Variants in ENOX1 observed in about 807,000 individuals in gnomAD.
The protein encoded by ENOX1 is candidate growth-related and time keeping constitutive hydroquinone (NADH) oxidase.
A neutral mutation model predicts 82.5 loss-of-function variants in ENOX1; 42 were observed. That is an observed-to-expected ratio of 0.51 (90% CI 0.40 to 0.66). The LOEUF (loss-of-function observed/expected upper bound fraction) is 0.66, where lower values mean the gene tolerates loss of function less well. Ranked by LOEUF, ENOX1 falls within the 30% of genes least tolerant of loss-of-function variation. The pLI, the probability that ENOX1 is intolerant of heterozygous loss-of-function variation, is 0.00. For synonymous variants in ENOX1, 271 were observed against 282.2 expected (o/e 0.96, Z 0.40); for missense variants, 608 against 811.6 (o/e 0.75, Z 3.05).
rs201204547 is a variant in ENOX1, at chr13:43,713,150, T to C, written c.-284-45606A>G. Among the ~76,000 whole-genome samples, 157 of 152,324 alleles carry C rather than the reference T, an allele frequency of 1.0e-3. 2 individuals carry two copies. The East Asian group carries it at 0.027, about 26-fold the overall frequency. On this transcript the variant is annotated intron_variant, in intron 1 of 16. Transcript: ENST00000690772. ...GTTGTTGAATTTTGTCAAAGGCCTTTTCTGCATCTATTGAGATAATTATGT... is the reference window on the plus strand; with the variant it reads ...GTTGTTGAATTTTGTCAAAGGCCTTCTCTGCATCTATTGAGATAATTATGT...
At chr13:43,399,569 C>G (rs1459862162) in intron 5 of ENOX1, among the ~76,000 whole-genome samples, 1 of 152,228 alleles carries the variant, frequency 6.6e-6, no homozygotes, top group East Asian at 1.9e-4. Flanking sequence ...CACAAACTAA[C>G]ACATTTGATC....
chr13:43,349,541 T>C (rs1042878214), intron 8 of ENOX1, among the ~76,000 whole-genome samples: 3 of 123,730 alleles, frequency 2.4e-5, no homozygotes, highest in East Asian at 4.6e-4. Flanking sequence ...ACTTGGCACA[T>C]AGTAGGCATT....
chr13:43,681,136 T>C (rs925579792), intron 1 of ENOX1, among the ~76,000 whole-genome samples: 3 of 152,192 alleles, frequency 2.0e-5, no homozygotes, highest in African/African-American at 7.2e-5. Context: ...TCCTCAAGCA[T>C]TGAGCTACCA....
chr13:43,750,055 T>TAAA (rs1216275449), intron 1 of ENOX1, among the ~76,000 whole-genome samples: 2 of 152,204 alleles, frequency 1.3e-5, no homozygotes, highest in Admixed American at 6.5e-5. Context: ...AAAAGGTTAT[T>TAAA]AAATCACCAG....
chr13:43,299,475 T>C (rs1233394917), intron 11 of ENOX1, among the ~76,000 whole-genome samples: 1 of 152,142 alleles, frequency 6.6e-6, no homozygotes, highest in Non-Finnish European at 1.5e-5. Flanking sequence ...GTGATGCCGG[T>C]GCTGGTCTTA....
At chr13:43,718,796 A>G (rs531392462) in intron 1 of ENOX1, among the ~76,000 whole-genome samples, 65 of 151,734 alleles carry the variant, frequency 4.3e-4, no homozygotes, top group African/African-American at 1.5e-3. Context: ...TTTGTTATAT[A>G]TTCCCCCTTG....
intron 3 of ENOX1, among the ~76,000 whole-genome samples, chr13:43,450,300 C>T (rs2056891453): frequency 6.6e-6 from 1 of 152,196 alleles, no homozygotes; most frequent in South Asian, 2.1e-4. Context: ...AAGTGGGGGG[C>T]AGCAGATGGC....
intron 2 of ENOX1, among the ~76,000 whole-genome samples, chr13:43,557,844 T>C (rs1044044775): frequency 1.3e-5 from 2 of 151,966 alleles, no homozygotes; most frequent in Non-Finnish European, 2.9e-5. Flanking sequence ...TGGTTGTAAG[T>C]ACAAAAAAAA....
At chr13:43,284,244 A>G (rs1280169058) in intron 12 of ENOX1, among the ~76,000 whole-genome samples, 1 of 152,052 alleles carries the variant, frequency 6.6e-6, no homozygotes, top group Non-Finnish European at 1.5e-5. Flanking sequence ...GGCACTGAAG[A>G]TAAGAAATAC....
At chr13:43,707,625 C>T (rs1453495200) in intron 1 of ENOX1, among the ~76,000 whole-genome samples, 5 of 147,416 alleles carry the variant, frequency 3.4e-5, no homozygotes, top group Admixed American at 1.4e-4. Context: ...CCCAGCTACT[C>T]GGGAGGCTGA....
intron 8 of ENOX1, among the ~76,000 whole-genome samples, chr13:43,348,175 C>T (rs966381861): frequency 1.3e-5 from 2 of 152,210 alleles, no homozygotes; most frequent in African/African-American, 4.8e-5. Context: ...AGCGTAAGTG[C>T]CCTTTAATAA....
intron 9 of ENOX1, among the ~76,000 whole-genome samples, chr13:43,335,698 G>C (rs1289176532): frequency 7.1e-6 from 1 of 141,652 alleles, no homozygotes; most frequent in Non-Finnish European, 1.5e-5. Flanking sequence ...TATTATTAAA[G>C]ATTTTTTTAA....
chr13:43,537,471 A>C (rs2078512703), intron 2 of ENOX1, among the ~76,000 whole-genome samples: 1 of 152,206 alleles, frequency 6.6e-6, no homozygotes, highest in Non-Finnish European at 1.5e-5. Context: ...AAGCCAAAGA[A>C]ATGCTGTTTT....
At chr13:43,539,074 C>T (rs1024601324) in intron 2 of ENOX1, among the ~76,000 whole-genome samples, 1 of 152,176 alleles carries the variant, frequency 6.6e-6, no homozygotes, top group Non-Finnish European at 1.5e-5. Context: ...CTTCCTGCCT[C>T]GGCCTCCATA....
chr13:43,444,506 C>T (rs973689886), intron 3 of ENOX1, among the ~76,000 whole-genome samples: 1 of 152,106 alleles, frequency 6.6e-6, no homozygotes, highest in Non-Finnish European at 1.5e-5. Flanking sequence ...TAGGAAAAGG[C>T]CAGGGGTGAC....
chr13:43,742,892 G>C (rs1011348272), intron 1 of ENOX1, among the ~76,000 whole-genome samples: 1 of 90,530 alleles, frequency 1.1e-5, no homozygotes, highest in African/African-American at 3.0e-5. Context: ...GGACATGATC[G>C]CTCAAACTAC....
At chr13:43,319,546 T>C (rs2153524397) in intron 11 of ENOX1, among the ~76,000 whole-genome samples, 1 of 152,294 alleles carries the variant, frequency 6.6e-6, no homozygotes, top group Non-Finnish European at 1.5e-5. Context: ...AAGTCAATTA[T>C]TTCCATCTCT....
intron 12 of ENOX1, among the ~76,000 whole-genome samples, chr13:43,293,296 G>T (rs945539281): frequency 2.0e-5 from 3 of 150,818 alleles, no homozygotes; most frequent in Admixed American, 6.6e-5. Context: ...AGCTAATAAG[G>T]CCACCACAGC....
intron 3 of ENOX1, among the ~76,000 whole-genome samples, chr13:43,453,595 C>T (rs1295575919): frequency 1.3e-5 from 2 of 152,116 alleles, no homozygotes; most frequent in Non-Finnish European, 1.5e-5. Flanking sequence ...TTCCTGTCCT[C>T]TGGTGTTAAA....
Sources: gnomAD v4.1 joint callset for allele counts (sites outside exome capture counted in the v4.1 genomes callset) on GRCh38, gnomAD v4.1.1 for gene constraint, MANE v1.5 for transcripts, NCBI Gene and HGNC (gene_info 2026-07-23, HGNC 2026-07-21) for gene names.